CSNK1G1: variants seen among roughly 807,000 people sequenced by gnomAD.
The protein encoded by CSNK1G1 is casein kinase 1 gamma 1.
A neutral mutation model predicts 59.6 loss-of-function variants in CSNK1G1; 22 were observed. The observed-to-expected ratio is 0.37, with a 90% confidence interval of 0.26 to 0.53. The LOEUF (loss-of-function observed/expected upper bound fraction) is 0.53. Among genes scored for constraint, CSNK1G1 ranks in the 20% least tolerant of loss-of-function variants. The probability of loss-of-function intolerance (pLI) is 0.89; values close to 1 mark genes in which losing one functional copy is unlikely to be tolerated. For missense variants in CSNK1G1, 384 were observed against 519.5 expected (o/e 0.74, Z 2.54); for synonymous variants, 179 against 177.1 (o/e 1.01, Z -0.08).
At chr15:64,345,838 C>T (rs1265424553) in intron 1 of CSNK1G1, among the ~76,000 whole-genome samples, 1 of 152,064 alleles carries the variant, frequency 6.6e-6, no homozygotes, top group Non-Finnish European at 1.5e-5. Flanking sequence ...TGTCGCTAGG[C>T]TGGAGTGCAG....
chr15:64,340,308 C>T (rs778486442), intron 1 of CSNK1G1, among the ~76,000 whole-genome samples: 5 of 152,084 alleles, frequency 3.3e-5, no homozygotes, highest in African/African-American at 7.2e-5. Context: ...CACCCAATAG[C>T]TCTGTCTTGT....
chr15:64,202,868 A>C lies in CSNK1G1; in HGVS notation c.1107+214T>G, dbSNP rs2082125765. ...GCACTTGGCCAGGCTGACTCTTTAGACTGGATGCTTCATATAGGGCACCTG... is the reference window on the plus strand; with the variant it reads ...GCACTTGGCCAGGCTGACTCTTTAGCCTGGATGCTTCATATAGGGCACCTG... On this transcript the variant is annotated intron_variant, in intron 10 of 11. Coordinates refer to ENST00000303052, the MANE Select transcript of CSNK1G1 (RefSeq NM_022048.5). Among the ~76,000 whole-genome samples the C allele has an allele frequency of 2.0e-5, 3 of 152,176 alleles. No homozygotes were observed. The South Asian group carries it at 6.2e-4, about 32-fold the overall frequency.
chr15:64,295,705 A>C (rs1894982167), intron 2 of CSNK1G1, among the ~76,000 whole-genome samples: 1 of 152,246 alleles, frequency 6.6e-6, no homozygotes, highest in East Asian at 1.9e-4. Flanking sequence ...AGCAAAATCT[A>C]CAAGATGTCA....
At chr15:64,328,454 T>G (rs1896963919) in intron 1 of CSNK1G1, among the ~76,000 whole-genome samples, 22 of 91,522 alleles carry the variant, frequency 2.4e-4, no homozygotes, top group African/African-American at 8.6e-4. Flanking sequence ...AATAAAATAC[T>G]TTACAGACAA....
intron 2 of CSNK1G1, among the ~76,000 whole-genome samples, chr15:64,279,044 A>G (rs1044358733): frequency 6.6e-6 from 1 of 152,338 alleles, no homozygotes; most frequent in Middle Eastern, 3.4e-3. Flanking sequence ...ATACACTGTT[A>G]ACATCAAAAA....
intron 1 of CSNK1G1, among the ~76,000 whole-genome samples, chr15:64,317,981 C>T (rs943512505): frequency 6.6e-6 from 1 of 152,144 alleles, no homozygotes; most frequent in Non-Finnish European, 1.5e-5. Context: ...GCAACTGCTA[C>T]ATAGCTGGGA....
At chr15:64,211,624 C>A (rs1340678541) in intron 6 of CSNK1G1, among the ~76,000 whole-genome samples, 1 of 152,162 alleles carries the variant, frequency 6.6e-6, no homozygotes, top group African/African-American at 2.4e-5. Flanking sequence ...TTACTATTAT[C>A]AGGCATTATG....
At chr15:64,182,240 T>C (rs1228038581) in intron 10 of CSNK1G1, among the ~76,000 whole-genome samples, 5 of 151,808 alleles carry the variant, frequency 3.3e-5, no homozygotes, top group Admixed American at 2.6e-4. Context: ...TTTGTTTGTT[T>C]TGTTTTGTTT....
intron 11 of CSNK1G1, among the ~76,000 whole-genome samples, chr15:64,175,732 T>A (rs1460555658): frequency 6.6e-6 from 1 of 152,194 alleles, no homozygotes; most frequent in African/African-American, 2.4e-5. Flanking sequence ...CACCTCTCCC[T>A]GAAGGAGCTC....
At chr15:64,321,050 C>T (rs1478266819) in intron 1 of CSNK1G1, among the ~76,000 whole-genome samples, 3 of 152,128 alleles carry the variant, frequency 2.0e-5, no homozygotes, top group East Asian at 3.9e-4. Context: ...ATTTATAATG[C>T]TCTCTATAGA....
chr15:64,297,577 T>A (rs1596239636), intron 2 of CSNK1G1, among the ~76,000 whole-genome samples: 1 of 152,034 alleles, frequency 6.6e-6, no homozygotes, highest in East Asian at 1.9e-4. Flanking sequence ...CGTGTTCTTA[T>A]GCACTAGCTA....
intron 1 of CSNK1G1, among the ~76,000 whole-genome samples, chr15:64,316,122 C>T (rs1470623839): frequency 6.6e-6 from 1 of 152,076 alleles, no homozygotes; most frequent in African/African-American, 2.4e-5. Flanking sequence ...GAACTCCTGG[C>T]CTTTAGCAAT....
At chr15:64,272,247 G>C (rs1359705865) in intron 2 of CSNK1G1, among the ~76,000 whole-genome samples, 3 of 149,672 alleles carry the variant, frequency 2.0e-5, no homozygotes, top group South Asian at 4.2e-4. Context: ...ATGGAGTCTT[G>C]CTCTGTCGCC....
At chr15:64,341,169 G>C (rs368349789) in intron 1 of CSNK1G1, among the ~76,000 whole-genome samples, 12,292 of 12,306 alleles carry the variant, frequency 1, 6,139 homozygotes, top group Non-Finnish European at 1. Flanking sequence ...CCGCGCCCGG[G>C]TAATTTTTTG....
Position 64,172,051 on chromosome 15 carries a change from C to A in CSNK1G1, c.1215-66G>T, listed in dbSNP as rs930163476. Reference sequence around the variant, plus strand: ...GCAGCTTCCAGCAGACTTCTGCCTGCTTCTGCTTACTGCAGGGGTGGAATT... The same window carrying A: ...GCAGCTTCCAGCAGACTTCTGCCTGATTCTGCTTACTGCAGGGGTGGAATT... On this transcript the variant is annotated intron_variant, in intron 11 of 11. Transcript: ENST00000303052. 7.7e-6 allele frequency: 11 copies of A among 1,433,150 alleles called. No individual in the cohort carries two copies. The East Asian group carries it at 2.5e-4, about 33-fold the overall frequency. 88.8% of individuals were successfully genotyped at this position (1,433,150 alleles called of 1,614,324 possible).
At chr15:64,243,836 C>T (rs1332989048) in intron 4 of CSNK1G1, among the ~76,000 whole-genome samples, 1 of 152,064 alleles carries the variant, frequency 6.6e-6, no homozygotes, top group Non-Finnish European at 1.5e-5. Flanking sequence ...CACCACTGCA[C>T]TCCAGCCTGG....
chr15:64,318,060 G>C (rs972039721), intron 1 of CSNK1G1, among the ~76,000 whole-genome samples: 1 of 152,078 alleles, frequency 6.6e-6, no homozygotes, highest in Non-Finnish European at 1.5e-5. Flanking sequence ...TCCAACTTAG[G>C]TGGGGAGTTC....
At chr15:64,175,831 GAGACCACATTGCAGA>G (rs2081735105) in intron 11 of CSNK1G1, among the ~76,000 whole-genome samples, 1 of 152,186 alleles carries the variant, frequency 6.6e-6, no homozygotes, top group Non-Finnish European at 1.5e-5. Context: ...TTCCAGGTTA[GAGACCACATTGCAGA>G]ATGTGAGATT....
At chr15:64,199,329 A>C (rs2082079299) in intron 10 of CSNK1G1, among the ~76,000 whole-genome samples, 1 of 151,974 alleles carries the variant, frequency 6.6e-6, no homozygotes, top group Admixed American at 6.6e-5. Context: ...TTCAAGATTC[A>C]ACTTTTCAAA....
Sources: allele counts gnomAD v4.1 joint callset (sites outside exome capture counted in the v4.1 genomes callset), GRCh38; gene constraint gnomAD v4.1.1; transcripts MANE v1.5; gene names NCBI Gene and HGNC (gene_info 2026-07-23, HGNC 2026-07-21).